The following SGTB variants were observed in gnomAD, a reference collection of about 807,000 sequenced individuals.
The protein encoded by SGTB is small glutamine rich tetratricopeptide repeat co-chaperone beta.
A neutral mutation model predicts 43.9 loss-of-function variants in SGTB; 19 were observed. That is an observed-to-expected ratio of 0.43 (90% CI 0.30 to 0.63). The LOEUF is 0.63. SGTB is among the 30% of genes least tolerant of loss of function. SGTB has a pLI of 0.12. For synonymous variants in SGTB, 116 were observed against 117.3 expected, an observed-to-expected ratio of 0.99 and a Z score of 0.07; for missense variants, 304 against 358.9, an observed-to-expected ratio of 0.85 and a Z score of 1.24.
chr5:65,686,505 T>C (rs1757502069), intron 5 of SGTB, among the ~76,000 whole-genome samples: 1 of 151,684 alleles, frequency 6.6e-6, no homozygotes, highest in Non-Finnish European at 1.5e-5. Context: ...TATTCTCTCT[T>C]TACCCACATT....
Position 65,677,690 on chromosome 5 carries a change from T to C in SGTB, c.681+2804A>G, listed in dbSNP as rs528320202. On this transcript the variant is annotated intron_variant, in intron 8 of 10. Transcript: ENST00000381007. The stretch of plus-strand genomic sequence containing the variant: ...CAAGATGCAAGGCTGTTTCTACATA[T>C]GCAAATCAATAAATGTGATTCATCT... Among the ~76,000 whole-genome samples the C allele has an allele frequency of 1.1e-4, 17 of 152,236 alleles. No individual in the cohort carries two copies. In the South Asian group the frequency reaches 3.5e-3, roughly 32 times the overall value.
chr5:65,687,257 T>C (rs1399871793), intron 5 of SGTB, among the ~76,000 whole-genome samples: 2 of 152,182 alleles, frequency 1.3e-5, no homozygotes, highest in Non-Finnish European at 2.9e-5. Context: ...ATCACTGACT[T>C]TTCCCCATCC....
At chr5:65,707,395 T>TACACAC (rs35011866) in intron 4 of SGTB, among the ~76,000 whole-genome samples, 8,975 of 133,550 alleles carry the variant, frequency 0.067, 321 homozygotes, top group Middle Eastern at 0.12. Context: ...GCTGATTTTA[T>TACACAC]ACACACACAC....
chr5:65,706,146 G>T (rs1757929294), intron 4 of SGTB, among the ~76,000 whole-genome samples: 1 of 152,118 alleles, frequency 6.6e-6, no homozygotes, highest in Non-Finnish European at 1.5e-5. Flanking sequence ...TATGACATAT[G>T]AATTATATCG....
intron 5 of SGTB, among the ~76,000 whole-genome samples, chr5:65,693,227 GGAAAGAGA>G (rs1283760562): frequency 2.0e-5 from 3 of 150,540 alleles, no homozygotes; most frequent in Non-Finnish European, 4.4e-5. Flanking sequence ...GGGAAGGAAG[GGAAAGAGA>G]GAAAGAGAGA....
At chr5:65,673,627 A>G (rs1463340483) in intron 8 of SGTB, among the ~76,000 whole-genome samples, 2 of 151,152 alleles carry the variant, frequency 1.3e-5, no homozygotes, top group Non-Finnish European at 2.9e-5. Flanking sequence ...AGTCCCTGTT[A>G]CAAAAAGGTT....
chr5:65,707,752 C>T (rs1757964775), intron 4 of SGTB, among the ~76,000 whole-genome samples: 1 of 151,902 alleles, frequency 6.6e-6, no homozygotes, highest in Non-Finnish European at 1.5e-5. Context: ...ATTTTTTTAA[C>T]TCAACTGCCT....
intron 5 of SGTB, among the ~76,000 whole-genome samples, chr5:65,691,678 C>T (rs992331852): frequency 6.6e-6 from 1 of 150,630 alleles, no homozygotes; most frequent in Non-Finnish European, 1.5e-5. Flanking sequence ...CAGTGCCTCA[C>T]GCCTGTAATC....
At chr5:65,673,900 C>T (rs989776081) in intron 8 of SGTB, among the ~76,000 whole-genome samples, 2 of 152,158 alleles carry the variant, frequency 1.3e-5, no homozygotes, top group Admixed American at 1.3e-4. Flanking sequence ...AAGTGCTCCG[C>T]CCATCTTAGC....
At position 65,672,346 on chromosome 5, in the gene SGTB, T is replaced by G. The variant is rs967289104; in HGVS notation, c.682-65A>C. The G allele has an allele frequency of 2.5e-6, 4 of 1,598,564 alleles. No individual in the cohort carries two copies. The African/African-American group carries it at 4.1e-5, about 16-fold the overall frequency. ...ATATGTAGGGATCTTAGCAAAGATTTTTTTTTTAGAAGAATGAAAGCTAAA... is the reference window on the plus strand; with the variant it reads ...ATATGTAGGGATCTTAGCAAAGATTGTTTTTTTAGAAGAATGAAAGCTAAA... On this transcript the variant is annotated intron_variant, in intron 8 of 10. Transcript: ENST00000381007.
At chr5:65,711,873 C>A (rs528284575) in intron 3 of SGTB, among the ~76,000 whole-genome samples, 1 of 152,210 alleles carries the variant, frequency 6.6e-6, no homozygotes, top group South Asian at 2.1e-4. Flanking sequence ...CAGCTTCACT[C>A]CAGAATTCTT....
At chr5:65,713,853 C>T (rs1037119083) in intron 2 of SGTB, among the ~76,000 whole-genome samples, 10 of 151,904 alleles carry the variant, frequency 6.6e-5, no homozygotes, top group Non-Finnish European at 1.5e-4. Context: ...CATGGCGAAA[C>T]CCCATCTTTA....
intron 1 of SGTB, 55 bp from the exon 2 acceptor site, chr5:65,720,884 A>T: frequency 6.5e-7 from 1 of 1,548,092 alleles, no homozygotes; most frequent in Non-Finnish European, 8.7e-7. Flanking sequence ...ATCAGTCAGG[A>T]AAGTCATAAA....
upstream of SGTB, chr5:65,722,669 G>T (rs1397810850): frequency 1.6e-5 from 8 of 506,652 alleles, no homozygotes; most frequent in Non-Finnish European, 2.4e-5. Flanking sequence ...CAGTCAGCGA[G>T]GCTGGTCACA....
At chr5:65,692,207 G>A (rs189985751) in intron 5 of SGTB, among the ~76,000 whole-genome samples, 6 of 152,164 alleles carry the variant, frequency 3.9e-5, no homozygotes, top group East Asian at 1.9e-4. Flanking sequence ...TAAAGGAAAC[G>A]ATAAAATTAG....
At chr5:65,719,670 T>C (rs1281968077) in intron 2 of SGTB, among the ~76,000 whole-genome samples, 1 of 152,224 alleles carries the variant, frequency 6.6e-6, no homozygotes, top group Non-Finnish European at 1.5e-5. Flanking sequence ...CAAGCCCATC[T>C]GCAGAATTCT....
rs1396797308 is a variant in SGTB, at chr5:65,704,337, C to A, written c.316G>T (p.Asp106Tyr). ...AATTCTATTGCCTGTGTGTAACAAT[C>A]CACTGCAGCAGCATAATTTTCTTCT... ...MKEENYAAAV[D>Y]CYTQAIELDP... The change falls in exon 5 of 11, where the codon GAT (aspartate) becomes TAT (tyrosine). Residue 106 changes from aspartate to tyrosine, a missense_variant. Coordinates refer to ENST00000381007, the MANE Select transcript of SGTB (RefSeq NM_019072.3). 2.5e-6 allele frequency: 4 copies of A among 1,612,742 alleles called. No individual in the cohort carries two copies. Among genetic ancestry groups the A allele is most frequent in the Non-Finnish European group, 2.5e-6 (3 of 1,179,394 alleles).
chr5:65,668,318 A>G lies in SGTB; in HGVS notation c.*1928T>C, dbSNP rs1245121693. The G allele has an allele frequency of 6.6e-6, 1 of 151,760 alleles. No individual in the cohort carries two copies. Among genetic ancestry groups the G allele is most frequent in the Non-Finnish European group, 1.5e-5 (1 of 68,056 alleles). 9.4% of individuals were successfully genotyped at this position (151,760 alleles called of 1,614,324 possible). ...TGCATTATTACTCATTTAATTGTAT[A>G]TTACTTCCTGGCCAGGCACAGTGGC... On this transcript the variant is annotated 3_prime_UTR_variant, in exon 11 of 11. Transcript: ENST00000381007.
chr5:65,679,809 C>T (rs1757359071), intron 8 of SGTB, among the ~76,000 whole-genome samples: 1 of 152,234 alleles, frequency 6.6e-6, no homozygotes, highest in African/African-American at 2.4e-5. Context: ...AATCCCATTA[C>T]TGGGTATATA....
Sources: allele counts gnomAD v4.1 joint callset (sites outside exome capture counted in the v4.1 genomes callset), GRCh38; gene constraint gnomAD v4.1.1; transcripts MANE v1.5; gene names NCBI Gene and HGNC (gene_info 2026-07-23, HGNC 2026-07-21).